Variants in TMEM178B observed in about 807,000 individuals in gnomAD.
The protein encoded by TMEM178B is transmembrane protein 178B.
Under a neutral mutation model 31.0 loss-of-function variants are expected in TMEM178B, and 5 were observed. The observed-to-expected ratio is 0.16, with a 90% confidence interval of 0.08 to 0.34. The LOEUF (loss-of-function observed/expected upper bound fraction) is 0.34. Among genes scored for constraint, TMEM178B ranks in the 10% least tolerant of loss-of-function variants. The pLI is 1.00. For synonymous variants in TMEM178B, 164 were observed against 164.0 expected, an observed-to-expected ratio of 1.00 and a Z score of 0.00; for missense variants, 275 against 400.3, an observed-to-expected ratio of 0.69 and a Z score of 2.67.
intron 1 of TMEM178B, among the ~76,000 whole-genome samples, chr7:141,167,954 G>A (rs1299810193): frequency 6.6e-6 from 1 of 152,118 alleles, no homozygotes; most frequent in Non-Finnish European, 1.5e-5. Flanking sequence ...TTCCTTTCAC[G>A]CTTTCATGCA....
chr7:141,233,932 A>C (rs1797486994), intron 2 of TMEM178B, among the ~76,000 whole-genome samples: 1 of 152,222 alleles, frequency 6.6e-6, no homozygotes, highest in Non-Finnish European at 1.5e-5. Flanking sequence ...TTATCCTGCC[A>C]TTTCAGACTA....
At chr7:141,324,431 T>TG (rs1563151674) in intron 2 of TMEM178B, among the ~76,000 whole-genome samples, 3 of 106,190 alleles carry the variant, frequency 2.8e-5, no homozygotes, top group Non-Finnish European at 5.6e-5. Context: ...TTTTTTTTTT[T>TG]TTTTTTTTTT....
intron 2 of TMEM178B, among the ~76,000 whole-genome samples, chr7:141,288,665 C>T (rs1409693252): frequency 1.3e-5 from 2 of 152,162 alleles, no homozygotes; most frequent in African/African-American, 4.8e-5. Context: ...CCTTTGCAGA[C>T]GGACTGCTGG....
At chr7:141,270,556 C>CT (rs1798165414) in intron 2 of TMEM178B, among the ~76,000 whole-genome samples, 1 of 152,210 alleles carries the variant, frequency 6.6e-6, no homozygotes, top group Non-Finnish European at 1.5e-5. Flanking sequence ...AGTTGTTTCA[C>CT]TACCTTGAAT....
chr7:141,497,435 G>A, the TMEM178B span, among the ~76,000 whole-genome samples: 59 of 152,102 alleles, frequency 3.9e-4, no homozygotes, highest in African/African-American at 1.4e-3. Flanking sequence ...GTGATTTTCC[G>A]TTACTTTGTT....
chr7:141,439,736 G>GGGCCT (rs1801622857), intron 3 of TMEM178B, among the ~76,000 whole-genome samples: 1 of 152,024 alleles, frequency 6.6e-6, no homozygotes, highest in African/African-American at 2.4e-5. Context: ...CAAACGGGCC[G>GGGCCT]CGGGCAGATA....
intron 1 of TMEM178B, among the ~76,000 whole-genome samples, chr7:141,099,780 C>T (rs1392916954): frequency 6.6e-6 from 1 of 151,436 alleles, no homozygotes; most frequent in African/African-American, 2.4e-5. Context: ...TGCTGTTTAC[C>T]TGGGTCACTG....
chr7:141,257,637 T>TA (rs1797949012), intron 2 of TMEM178B, among the ~76,000 whole-genome samples: 1 of 152,122 alleles, frequency 6.6e-6, no homozygotes, highest in South Asian at 2.1e-4. Flanking sequence ...CAGCTCTTGA[T>TA]ATGTGTGCTG....
chr7:141,333,667 G>T (rs924623745), intron 2 of TMEM178B, among the ~76,000 whole-genome samples: 1 of 152,186 alleles, frequency 6.6e-6, no homozygotes, highest in Non-Finnish European at 1.5e-5. Flanking sequence ...TCTGTCCATG[G>T]TGCTGAGTAG....
chr7:141,277,447 A>G (rs555038163), intron 2 of TMEM178B, among the ~76,000 whole-genome samples: 15 of 152,292 alleles, frequency 9.8e-5, no homozygotes, highest in South Asian at 4.1e-4. Flanking sequence ...TTCAGGGGCA[A>G]TGGCACACAG....
intron 3 of TMEM178B, among the ~76,000 whole-genome samples, chr7:141,451,184 A>T (rs755139381): frequency 6.6e-6 from 1 of 152,200 alleles, no homozygotes; most frequent in African/African-American, 2.4e-5. Context: ...AATGAATGTT[A>T]TCTGGAGTCA....
intron 1 of TMEM178B, among the ~76,000 whole-genome samples, chr7:141,118,753 C>T (rs1795363881): frequency 6.6e-6 from 1 of 152,150 alleles, no homozygotes; most frequent in African/African-American, 2.4e-5. Flanking sequence ...ATTTGAAAGA[C>T]TTTGTGGTCA....
At chr7:141,337,036 C>T (rs1586899631) in intron 2 of TMEM178B, among the ~76,000 whole-genome samples, 1 of 86,490 alleles carries the variant, frequency 1.2e-5, no homozygotes, top group Admixed American at 1.1e-4. Context: ...TCACCACCAC[C>T]ACCACCACCA....
intron 2 of TMEM178B, among the ~76,000 whole-genome samples, chr7:141,349,148 T>A (rs1342018952): frequency 6.6e-6 from 1 of 152,250 alleles, no homozygotes; most frequent in African/African-American, 2.4e-5. Flanking sequence ...CTTCTTTTAC[T>A]TATAAACTAG....
At chr7:141,121,411 T>G (rs1374866903) in intron 1 of TMEM178B, among the ~76,000 whole-genome samples, 2 of 152,212 alleles carry the variant, frequency 1.3e-5, no homozygotes, top group Admixed American at 1.3e-4. Context: ...AGAGCCCTCT[T>G]TCTTCCAGCT....
At chr7:141,381,328 A>G (rs1297392836) in intron 2 of TMEM178B, among the ~76,000 whole-genome samples, 1 of 152,188 alleles carries the variant, frequency 6.6e-6, no homozygotes, top group East Asian at 1.9e-4. Context: ...TTTTATTCAT[A>G]ATAAAGATGT....
At chr7:141,192,359 G>A (rs767922574) in intron 1 of TMEM178B, among the ~76,000 whole-genome samples, 6 of 152,144 alleles carry the variant, frequency 3.9e-5, no homozygotes, top group Non-Finnish European at 5.9e-5. Context: ...CCATGTACCT[G>A]GGGAAGGGAG....
chr7:141,376,474 A>T (rs1383340870), intron 2 of TMEM178B, among the ~76,000 whole-genome samples: 2 of 152,244 alleles, frequency 1.3e-5, no homozygotes, highest in Non-Finnish European at 2.9e-5. Context: ...CTAATGATGT[A>T]ACAGCCTGAT....
rs552792886 is a variant in TMEM178B, at chr7:141,471,450, C to T, written c.*664C>T. 33 of 152,302 alleles carry T rather than the reference C, an allele frequency of 2.2e-4. No homozygotes were observed. The highest frequency in any genetic ancestry group is 7.9e-4 in the African/African-American group (33 of 41,534). 9.4% of individuals were successfully genotyped at this position (152,302 alleles called of 1,614,324 possible). On this transcript the variant is annotated 3_prime_UTR_variant, in exon 4 of 4. Coordinates refer to ENST00000565468, the MANE Select transcript of TMEM178B (RefSeq NM_001195278.2). The surrounding 1 kb of genome is among the most constrained non-coding windows in gnomAD (Gnocchi z 4.1). Reference sequence around the variant, plus strand: ...GACGCTTCGGTGGATGCTCAGACAACCCAGTCTTACCTTCCAGCTGCCTTA... The same window carrying T: ...GACGCTTCGGTGGATGCTCAGACAATCCAGTCTTACCTTCCAGCTGCCTTA...
Sources: allele counts gnomAD v4.1 joint callset (sites outside exome capture counted in the v4.1 genomes callset), GRCh38; gene constraint gnomAD v4.1.1; non-coding constraint Gnocchi (gnomAD v3.1); transcripts MANE v1.5; gene names NCBI Gene and HGNC (gene_info 2026-07-23, HGNC 2026-07-21).